MIB1: variants seen among roughly 807,000 people sequenced by gnomAD.
MIB1 encodes the protein E3 ubiquitin-protein ligase MIB1.
MIB1 carries 278 observed loss-of-function variants against 124.5 expected under a neutral mutation model. The observed-to-expected ratio is 2.23, with a 90% confidence interval of 2.02 to 2.47. The LOEUF is 2.47. Among genes scored for constraint, MIB1 ranks in the 30% most tolerant of loss-of-function variants. The pLI, the probability that MIB1 is intolerant of heterozygous loss-of-function variation, is 0.00. For synonymous variants in MIB1, 446 were observed against 429.4 expected (o/e 1.04, Z -0.48); for missense variants, 957 against 1,254.4 (o/e 0.76, Z 3.58).
rs998167252 is a variant in MIB1, at chr18:21,797,980, A to G, written c.1093-104A>G. The G allele has an allele frequency of 5.3e-6, 6 of 1,123,596 alleles. No individual in the cohort carries two copies. The East Asian group carries it at 1.2e-4, about 23-fold the overall frequency. 69.6% of individuals were successfully genotyped at this position (1,123,596 alleles called of 1,614,324 possible). A position where few individuals can be genotyped will look rare whatever the true frequency, so the allele number is the denominator to read the frequency against. ...ATGGTTATCCTTTGAAAGTTTTTTCATTAGTAATAAGTAAAATCATTACTT... is the reference window on the plus strand; with the variant it reads ...ATGGTTATCCTTTGAAAGTTTTTTCGTTAGTAATAAGTAAAATCATTACTT... On this transcript the variant is annotated intron_variant, in intron 7 of 20. Transcript: ENST00000261537.
intron 12 of MIB1, among the ~76,000 whole-genome samples, chr18:21,829,666 G>A (rs897560312): frequency 1.3e-5 from 2 of 151,974 alleles, no homozygotes; most frequent in Admixed American, 6.6e-5. Context: ...ATAAGAACTC[G>A]TGATCATTTG....
intron 12 of MIB1, chr18:21,826,355 C>T (rs868183815): frequency 1.3e-5 from 2 of 152,378 alleles, no homozygotes; most frequent in African/African-American, 4.8e-5. Context: ...ATAAATAGAT[C>T]ACATGTGTAT....
chr18:21,864,489 A>G (rs2042304723), intron 20 of MIB1, 37 bp from the exon 21 acceptor site: 1 of 1,518,636 alleles, frequency 6.6e-7, no homozygotes, highest in South Asian at 1.2e-5. Flanking sequence ...CCAAATATAA[A>G]GTGTCTAATT....
At chr18:21,845,463 A>G (rs1410106268) in intron 15 of MIB1, among the ~76,000 whole-genome samples, 1 of 151,892 alleles carries the variant, frequency 6.6e-6, no homozygotes, top group Non-Finnish European at 1.5e-5. Context: ...GTTTTCTTTT[A>G]TGTTTTGTAC....
intron 6 of MIB1, 91 bp downstream of exon 6, chr18:21,779,776 T>C: frequency 9.9e-7 from 1 of 1,007,706 alleles, no homozygotes; most frequent in South Asian, 1.4e-5. Context: ...TACAACCAAA[T>C]ACTCATTAAA....
At chr18:21,723,809 C>T (rs1177082397) in intron 1 of MIB1, among the ~76,000 whole-genome samples, 3 of 152,098 alleles carry the variant, frequency 2.0e-5, no homozygotes, top group Non-Finnish European at 2.9e-5. Context: ...CCACTGTGCC[C>T]GGCTATAATT....
At chr18:21,847,686 G>T (rs2042146913) in intron 16 of MIB1, among the ~76,000 whole-genome samples, 1 of 151,870 alleles carries the variant, frequency 6.6e-6, no homozygotes, top group South Asian at 2.1e-4. Flanking sequence ...CCATGAACAG[G>T]GTATATCTCA....
intron 2 of MIB1, among the ~76,000 whole-genome samples, chr18:21,767,673 G>T (rs1278261219): frequency 6.6e-6 from 1 of 151,866 alleles, no homozygotes; most frequent in Non-Finnish European, 1.5e-5. Context: ...TCAGCCTCCC[G>T]AGTAGCTGGG....
chr18:21,795,405 C>T (rs908214374), intron 7 of MIB1, among the ~76,000 whole-genome samples: 3 of 142,792 alleles, frequency 2.1e-5, no homozygotes, highest in Non-Finnish European at 3.0e-5. Context: ...TATATACACA[C>T]ACATATATAT....
chr18:21,829,631 T>G (rs1233355504), intron 12 of MIB1, among the ~76,000 whole-genome samples: 1 of 152,058 alleles, frequency 6.6e-6, no homozygotes, highest in African/African-American at 2.4e-5. Context: ...TTATGAATTT[T>G]TGTTAGTGTT....
intron 13 of MIB1, among the ~76,000 whole-genome samples, chr18:21,839,532 T>C (rs1206075603): frequency 6.6e-6 from 1 of 152,166 alleles, no homozygotes; most frequent in African/African-American, 2.4e-5. Context: ...TGAGACTGGG[T>C]CTCACTCTGT....
At chr18:21,842,770 CT>C (rs2042102828) in intron 13 of MIB1, among the ~76,000 whole-genome samples, 1 of 152,138 alleles carries the variant, frequency 6.6e-6, no homozygotes, top group Non-Finnish European at 1.5e-5. Context: ...ATTATTATAA[CT>C]TTTCAGGAAA....
At position 21,725,671 on chromosome 18, in the gene MIB1, A is replaced by G. The variant is rs552298525; in HGVS notation, n.167+20548A>G. ...TAACCTAACTGGACAAACATAAAGT[A>G]AATAAAAGCTTCCTCTTCCTCCTTC... On this transcript the variant is annotated intron_variant and non_coding_transcript_variant, in intron 1 of 20. Coordinates refer to the MIB1 transcript ENST00000578646. Among the ~76,000 whole-genome samples the G allele has an allele frequency of 1.6e-3, 241 of 152,324 alleles. 1 individual carries two copies. The highest frequency in any genetic ancestry group is 2.9e-3 in the Non-Finnish European group (199 of 68,034).
chr18:21,737,453 T>G (rs184049868), upstream of MIB1, among the ~76,000 whole-genome samples: 2 of 152,130 alleles, frequency 1.3e-5, no homozygotes, highest in Non-Finnish European at 2.9e-5. Flanking sequence ...ATCGACGCTA[T>G]GAAGAAACTG....
At position 21,774,518 on chromosome 18, in the gene MIB1, G is replaced by A. The variant is rs184596193; in HGVS notation, c.636+790G>A. On this transcript the variant is annotated intron_variant, in intron 4 of 20. Transcript: ENST00000261537. The stretch of plus-strand genomic sequence containing the variant: ...CACGAGAATCACCTGAACCACGAGG[G>A]TCGGGGTGCAGAGCTTTCAATGAGC... Among the ~76,000 whole-genome samples the A allele has an allele frequency of 1.1e-3, 172 of 152,302 alleles. 1 individual carries two copies. Among genetic ancestry groups the A allele is most frequent in the Non-Finnish European group, 1.5e-4 (10 of 68,026 alleles).
intron 20 of MIB1, among the ~76,000 whole-genome samples, chr18:21,861,516 A>G (rs2042276086): frequency 1.3e-5 from 2 of 152,080 alleles, no homozygotes; most frequent in African/African-American, 2.4e-5. Flanking sequence ...AAAGTTTAGC[A>G]TTCTACCCAA....
At chr18:21,853,363 C>T (rs1458086375) in intron 18 of MIB1, 145 bp downstream of exon 18, 1 of 620,128 alleles carries the variant, frequency 1.6e-6, no homozygotes. Context: ...ATTTCTTTCT[C>T]TGTACTAGAA....
intron 1 of MIB1, among the ~76,000 whole-genome samples, chr18:21,735,318 G>A (rs1464207808): frequency 2.0e-5 from 3 of 152,192 alleles, no homozygotes; most frequent in Non-Finnish European, 2.9e-5. Flanking sequence ...TGTACTGGGA[G>A]GAACGGGGTA....
At chr18:21,766,687 A>C (rs1277966552) in intron 2 of MIB1, among the ~76,000 whole-genome samples, 1 of 152,084 alleles carries the variant, frequency 6.6e-6, no homozygotes, top group African/African-American at 2.4e-5. Context: ...ATTTTGAACA[A>C]GTTGGTTATT....
Sources: gnomAD v4.1 joint callset for allele counts (sites outside exome capture counted in the v4.1 genomes callset) on GRCh38, gnomAD v4.1.1 for gene constraint, MANE v1.5 for transcripts, NCBI Gene and HGNC (gene_info 2026-07-23, HGNC 2026-07-21) for gene names.